The following SSBP3 variants were observed in gnomAD, a reference collection of about 807,000 sequenced individuals.
The protein encoded by SSBP3 is single stranded DNA binding protein 3, also known as single-stranded DNA-binding protein 3.
A neutral mutation model predicts 69.6 loss-of-function variants in SSBP3; 5 were observed. The observed-to-expected ratio is 0.07, with a 90% CI of 0.04 to 0.15. The LOEUF (loss-of-function observed/expected upper bound fraction) is 0.15. Ranked by LOEUF, SSBP3 falls within the 10% of genes least tolerant of loss-of-function variation. SSBP3 has a pLI of 1.00. For synonymous variants in SSBP3, 196 were observed against 193.4 expected, an observed-to-expected ratio of 1.01 and a Z score of -0.11; for missense variants, 312 against 534.0, an observed-to-expected ratio of 0.58 and a Z score of 4.10.
rs148864514 is a variant in SSBP3, at chr1:54,282,218, C to T, written c.277-691G>A. 6.2e-3 allele frequency among the ~76,000 whole-genome samples: 941 copies of T among 152,338 alleles called. 5 individuals are homozygous for T. The highest frequency in any genetic ancestry group is 0.011 in the Non-Finnish European group (734 of 68,026). On this transcript the variant is annotated intron_variant, in intron 4 of 17. Transcript: ENST00000610401. Reference sequence around the variant, plus strand: ...ATTATATGGCCCTGGGCCGTGTCTGCCCAGCTACTCTGAGAAGCTCTTGGC... The same window carrying T: ...ATTATATGGCCCTGGGCCGTGTCTGTCCAGCTACTCTGAGAAGCTCTTGGC...
intron 4 of SSBP3, among the ~76,000 whole-genome samples, chr1:54,374,354 A>G (rs1422511002): frequency 6.6e-6 from 1 of 152,156 alleles, no homozygotes; most frequent in Non-Finnish European, 1.5e-5. Flanking sequence ...CTCTGAGCAA[A>G]CATCCCAGGT....
At chr1:54,242,681 G>T (rs1644660826) in intron 10 of SSBP3, among the ~76,000 whole-genome samples, 1 of 152,160 alleles carries the variant, frequency 6.6e-6, no homozygotes. Flanking sequence ...CGGGCACGGT[G>T]GCTCACACCT....
chr1:54,228,559 C>T, intron 15 of SSBP3, 82 bp from the exon 16 acceptor site: 1 of 1,582,468 alleles, frequency 6.3e-7, no homozygotes, highest in South Asian at 1.1e-5. Context: ...CTCCTCGGGC[C>T]TCTAAGCCCT....
chr1:54,233,523 T>C (rs1644424873), intron 14 of SSBP3, among the ~76,000 whole-genome samples: 1 of 141,960 alleles, frequency 7.0e-6, no homozygotes, highest in South Asian at 2.4e-4. Flanking sequence ...AGCCGCCCCG[T>C]CCGGGAGGGA....
chr1:54,408,805 G>A (rs1649917084), upstream of SSBP3, among the ~76,000 whole-genome samples: 1 of 152,206 alleles, frequency 6.6e-6, no homozygotes, highest in Admixed American at 6.5e-5. Context: ...CAAGAAGAGA[G>A]GGGTAGGGTT....
chr1:54,383,828 C>T (rs1431518884), intron 4 of SSBP3, among the ~76,000 whole-genome samples: 4 of 152,002 alleles, frequency 2.6e-5, no homozygotes, highest in African/African-American at 4.8e-5. Context: ...AAGAACCGGC[C>T]GGGCACGGTG....
exon 9 of SSBP3, chr1:54,251,619 T>C: frequency 6.4e-7 from 1 of 1,551,442 alleles, no homozygotes; most frequent in Non-Finnish European, 8.7e-7. Context: ...TGGTTACCTG[T>C]GGGCCGGGAC....
intron 4 of SSBP3, among the ~76,000 whole-genome samples, chr1:54,311,193 G>A (rs1437440913): frequency 6.6e-6 from 1 of 152,186 alleles, no homozygotes; most frequent in Non-Finnish European, 1.5e-5. Context: ...AAGGTCTGGC[G>A]CTGGGCAGCC....
intron 4 of SSBP3, among the ~76,000 whole-genome samples, chr1:54,400,506 C>T (rs1649219392): frequency 6.6e-6 from 1 of 152,176 alleles, no homozygotes; most frequent in Non-Finnish European, 1.5e-5. Flanking sequence ...CCCAGAAGAA[C>T]CACATCATAA....
intron 4 of SSBP3, among the ~76,000 whole-genome samples, chr1:54,326,952 CAAG>C (rs1222856380): frequency 1.3e-5 from 2 of 151,504 alleles, no homozygotes; most frequent in African/African-American, 4.9e-5. Flanking sequence ...GAAACGGGGC[CAAG>C]GAGAAGGTGG....
At chr1:54,270,282 A>T (rs1033762403) in intron 5 of SSBP3, among the ~76,000 whole-genome samples, 6 of 152,212 alleles carry the variant, frequency 3.9e-5, no homozygotes, top group Admixed American at 6.5e-5. Context: ...GGTCTCCATC[A>T]GACTCATGGT....
At position 54,258,453 on chromosome 1, in the gene SSBP3, G is replaced by A. The variant is rs1254756715; in HGVS notation, c.367-304C>T. 2.0e-5 allele frequency among the ~76,000 whole-genome samples: 3 copies of A among 152,324 alleles called. No individual in the cohort carries two copies. Among genetic ancestry groups the A allele is most frequent in the Admixed American group, 6.5e-5 (1 of 15,306 alleles). ...CCTGGACACAGCCTACCCTTGGAGC[G>A]GAGTTTGCCATGTTAAATACGTTGG... On this transcript the variant is annotated intron_variant, in intron 5 of 17. Transcript: ENST00000610401. This position sits in a 1 kb window ranked among gnomAD's most constrained non-coding sequence, Gnocchi z 4.5.
chr1:54,306,228 A>C (rs532891643), intron 4 of SSBP3, among the ~76,000 whole-genome samples: 1 of 152,242 alleles, frequency 6.6e-6, no homozygotes, highest in Admixed American at 6.5e-5. Flanking sequence ...CCAAGGAGTG[A>C]GTGGATATTA....
chr1:54,263,878 T>C (rs548315485), intron 5 of SSBP3, among the ~76,000 whole-genome samples: 13 of 152,174 alleles, frequency 8.5e-5, no homozygotes, highest in Non-Finnish European at 1.5e-4. Context: ...TTGGGGCTCA[T>C]AGGAACCAGG....
intron 4 of SSBP3, among the ~76,000 whole-genome samples, chr1:54,291,728 T>C (rs10489809): frequency 0.17 from 25,150 of 152,228 alleles, 2,219 homozygotes; most frequent in Middle Eastern, 0.19. Context: ...AAATAAAGAA[T>C]GATGTAGGTC....
At position 54,316,654 on chromosome 1, in the gene SSBP3, AAAAAATAAAATAAATAAAT is replaced by A. The variant is rs1311714820; in HGVS notation, c.277-35146_277-35128del. 1.4e-3 allele frequency among the ~76,000 whole-genome samples: 104 copies of A among 72,888 alleles called. 8 individuals are homozygous for A. Among genetic ancestry groups the A allele is most frequent in the Admixed American group, 2.5e-3 (16 of 6,474 alleles). 47.8% of individuals were successfully genotyped at this position (72,888 alleles called of 152,430 possible). ...CAGAGCGAGACTCCGTCTCAAAAAAAAAAAATAAAATAAATAAATAAATAAATAAATAAATAAATAAATA... is the reference window on the plus strand; with the variant it reads ...CAGAGCGAGACTCCGTCTCAAAAAAAAAATAAATAAATAAATAAATAAATA... On this transcript the variant is annotated intron_variant, in intron 4 of 17. Transcript: ENST00000610401.
intron 4 of SSBP3, among the ~76,000 whole-genome samples, chr1:54,396,634 GTATCTCCC>G (rs1648907577): frequency 6.6e-6 from 1 of 152,174 alleles, no homozygotes; most frequent in African/African-American, 2.4e-5. Context: ...GGAGAGCTGG[GTATCTCCC>G]AGCTCCCTCT....
At chr1:54,330,288 A>G (rs192081357) in intron 4 of SSBP3, among the ~76,000 whole-genome samples, 1 of 152,208 alleles carries the variant, frequency 6.6e-6, no homozygotes, top group Non-Finnish European at 1.5e-5. Flanking sequence ...TTCCGGGCAC[A>G]TGAGGACTGC....
intron 3 of SSBP3, among the ~76,000 whole-genome samples, chr1:54,402,533 C>A (rs377278019): frequency 4.0e-5 from 6 of 151,504 alleles, no homozygotes; most frequent in African/African-American, 1.5e-4. Flanking sequence ...CCCACTCCCA[C>A]CCAAGCCCTC....
Sources: allele counts gnomAD v4.1 joint callset (sites outside exome capture counted in the v4.1 genomes callset), GRCh38; gene constraint gnomAD v4.1.1; non-coding constraint Gnocchi (gnomAD v3.1); transcripts MANE v1.5; gene names NCBI Gene and HGNC (gene_info 2026-07-23, HGNC 2026-07-21).